Variants in KLF8 observed in about 807,000 individuals in gnomAD.
KLF8 encodes the protein Krueppel-like factor 8.
Under a neutral mutation model 18.2 loss-of-function variants are expected in KLF8, and 10 were observed. The observed-to-expected ratio is 0.55, with a 90% CI of 0.34 to 0.93. The LOEUF (loss-of-function observed/expected upper bound fraction) is 0.93, where lower values mean the gene tolerates loss of function less well. Among genes scored for constraint, KLF8 ranks in the 40% least tolerant of loss-of-function variants. The pLI is 0.02. For missense variants in KLF8, 264 were observed against 277.9 expected, an observed-to-expected ratio of 0.95 and a Z score of 0.36; for synonymous variants, 109 against 97.3, an observed-to-expected ratio of 1.12 and a Z score of -0.71.
At chrX:55,934,407 A>G in the KLF8 span, among the ~76,000 whole-genome samples, 1 of 112,333 alleles carries the variant, frequency 8.9e-6, no homozygotes, top group East Asian at 2.8e-4. Flanking sequence ...AAGGATTTAC[A>G]GCATTCCATC....
At chrX:55,946,633 A>C in the KLF8 span, among the ~76,000 whole-genome samples, 1 of 111,883 alleles carries the variant, frequency 8.9e-6, no homozygotes, top group Non-Finnish European at 1.9e-5. Flanking sequence ...AAAATTGACG[A>C]ATGGGATCTG....
At chrX:56,101,075 C>G in the KLF8 span, among the ~76,000 whole-genome samples, 1 of 111,008 alleles carries the variant, frequency 9.0e-6, no homozygotes, top group African/African-American at 3.3e-5. Context: ...ACCCATGTAG[C>G]GAGCATAGTA....
chrX:56,082,342 T>C, the KLF8 span, among the ~76,000 whole-genome samples: 2 of 111,401 alleles, frequency 1.8e-5, no homozygotes, highest in Non-Finnish European at 3.8e-5. Flanking sequence ...TTGTGTCTTC[T>C]CTTTTTTTTT....
chrX:56,179,552 C>T, the KLF8 span, among the ~76,000 whole-genome samples: 1 of 112,050 alleles, frequency 8.9e-6, no homozygotes, highest in Non-Finnish European at 1.9e-5. Context: ...TGAAAGAGGG[C>T]ATCCCTGTCT....
chrX:55,939,897 CAA>C, the KLF8 span, among the ~76,000 whole-genome samples: 1 of 111,653 alleles, frequency 9.0e-6, no homozygotes, highest in African/African-American at 3.3e-5. Context: ...GCTTACCAAT[CAA>C]AAAGAGTCCA....
the KLF8 span, among the ~76,000 whole-genome samples, chrX:56,216,504 C>G: frequency 9.9e-6 from 1 of 100,730 alleles, no homozygotes; most frequent in Non-Finnish European, 2.0e-5. Flanking sequence ...ACCACCATAT[C>G]TGGCTGCTGA....
the KLF8 span, among the ~76,000 whole-genome samples, chrX:56,017,173 G>A: frequency 1.8e-5 from 2 of 112,240 alleles, no homozygotes; most frequent in African/African-American, 6.5e-5. Flanking sequence ...GTTTTTATTT[G>A]TTATTAATTT....
the KLF8 span, among the ~76,000 whole-genome samples, chrX:56,184,582 C>A: frequency 8.9e-6 from 1 of 112,209 alleles, no homozygotes; most frequent in Admixed American, 9.4e-5. Context: ...CAAGTGCGTC[C>A]CTGACCCCGA....
the KLF8 span, among the ~76,000 whole-genome samples, chrX:55,965,723 G>T: frequency 8.9e-6 from 1 of 111,959 alleles, no homozygotes; most frequent in Non-Finnish European, 1.9e-5. Flanking sequence ...AAATTAATAG[G>T]ATTTCTATAC....
At chrX:55,953,578 C>T in the KLF8 span, among the ~76,000 whole-genome samples, 3 of 111,081 alleles carry the variant, frequency 2.7e-5, no homozygotes, top group South Asian at 1.1e-3. Context: ...TCAAAACTCA[C>T]TATCAAGCTA....
chrX:55,933,704 A>G, the KLF8 span, among the ~76,000 whole-genome samples: 1 of 111,968 alleles, frequency 8.9e-6, no homozygotes, highest in African/African-American at 3.2e-5. Context: ...GCATGTGCAA[A>G]AGTATGCTTT....
chrX:56,219,093 T>C, the KLF8 span, among the ~76,000 whole-genome samples: 2 of 112,397 alleles, frequency 1.8e-5, no homozygotes, highest in Non-Finnish European at 3.8e-5. Context: ...TAAATATAAA[T>C]GTCATAATGT....
the KLF8 span, among the ~76,000 whole-genome samples, chrX:56,216,269 T>A: frequency 8.1e-5 from 9 of 111,357 alleles, no homozygotes; most frequent in Non-Finnish European, 1.3e-4. Context: ...CAGTTCTCTA[T>A]GATGCAACCA....
the KLF8 span, among the ~76,000 whole-genome samples, chrX:56,226,518 T>C: frequency 2.7e-5 from 3 of 112,158 alleles, no homozygotes; most frequent in African/African-American, 9.7e-5. Flanking sequence ...AATCACCTGG[T>C]ATGAATGCCA....
At chrX:55,995,998 A>G in the KLF8 span, among the ~76,000 whole-genome samples, 3 of 111,744 alleles carry the variant, frequency 2.7e-5, no homozygotes, top group East Asian at 2.8e-4. Context: ...GGGGACACCA[A>G]TGAGTCATAA....
chrX:56,267,173 A>C, intron 3 of KLF8: 6 of 754,203 alleles, frequency 8.0e-6, no homozygotes, highest in Non-Finnish European at 9.4e-6. Context: ...AAACAGGATA[A>C]ATTTTAAATG....
chrX:56,134,656 G>C, the KLF8 span, among the ~76,000 whole-genome samples: 1 of 111,084 alleles, frequency 9.0e-6, no homozygotes, highest in Non-Finnish European at 1.9e-5. Flanking sequence ...GGATAAATAG[G>C]TGGAACTTCA....
the KLF8 span, among the ~76,000 whole-genome samples, chrX:56,087,239 G>A: frequency 2.1e-4 from 23 of 110,880 alleles, 1 homozygote; most frequent in African/African-American, 7.2e-4. Context: ...GCCTGATATG[G>A]TTTGGATCTG....
At chrX:56,049,431 A>C in the KLF8 span, among the ~76,000 whole-genome samples, 1 of 110,457 alleles carries the variant, frequency 9.1e-6, no homozygotes, top group Non-Finnish European at 1.9e-5. Flanking sequence ...ATTATTTTGA[A>C]ATACGTCCCA....
Sources: allele counts gnomAD v4.1 joint callset (sites outside exome capture counted in the v4.1 genomes callset), GRCh38; gene constraint gnomAD v4.1.1; transcripts MANE v1.5; gene names NCBI Gene and HGNC (gene_info 2026-07-23, HGNC 2026-07-21).